EDIL3: variants seen among roughly 807,000 people sequenced by gnomAD.
EDIL3 encodes EGF-like repeat and discoidin I-like domain-containing protein 3.
EDIL3 carries 37 observed loss-of-function variants against 67.4 expected under a neutral mutation model. The observed-to-expected ratio is 0.55, with a 90% CI of 0.42 to 0.72. The LOEUF is 0.72. Among genes scored for constraint, EDIL3 ranks in the 30% least tolerant of loss-of-function variants. EDIL3 has a pLI of 0.00. For synonymous variants in EDIL3, 195 were observed against 196.3 expected, an observed-to-expected ratio of 0.99 and a Z score of 0.05; for missense variants, 527 against 586.3, an observed-to-expected ratio of 0.90 and a Z score of 1.04.
chr5:84,371,474 G>C (rs1344797550), intron 1 of EDIL3, among the ~76,000 whole-genome samples: 1 of 144,456 alleles, frequency 6.9e-6, no homozygotes, highest in Admixed American at 7.0e-5. Flanking sequence ...GAGAGAGAGA[G>C]AGAAAGAGAG....
chr5:84,223,788 G>T (rs1313494762), intron 3 of EDIL3, among the ~76,000 whole-genome samples: 1 of 151,274 alleles, frequency 6.6e-6, no homozygotes, highest in Non-Finnish European at 1.5e-5. Flanking sequence ...CACACATGAA[G>T]ATAACAATAT....
At chr5:84,128,105 T>A (rs570380587) in intron 5 of EDIL3, among the ~76,000 whole-genome samples, 1 of 152,194 alleles carries the variant, frequency 6.6e-6, no homozygotes, top group African/African-American at 2.4e-5. Flanking sequence ...TACTTCCAAG[T>A]GTGCTGATTC....
intron 4 of EDIL3, among the ~76,000 whole-genome samples, chr5:84,160,441 T>C (rs1479718338): frequency 1.3e-5 from 2 of 152,172 alleles, no homozygotes; most frequent in Non-Finnish European, 2.9e-5. Flanking sequence ...GAATAATGAA[T>C]GGTTGATAGA....
rs536569574 is a variant in EDIL3, at chr5:84,080,403, T to C, written c.652-13797A>G. Among the ~76,000 whole-genome samples, 17 of 151,552 alleles carry C rather than the reference T, an allele frequency of 1.1e-4. No individual in the cohort carries two copies. The South Asian group carries it at 2.9e-3, about 26-fold the overall frequency. On this transcript the variant is annotated intron_variant, in intron 6 of 10. Transcript: ENST00000296591. ...TCAGCAACAACCTGAGCACTGACACTCTTCACTGCCGCTGTGAAACATAAT... is the reference window on the plus strand; with the variant it reads ...TCAGCAACAACCTGAGCACTGACACCCTTCACTGCCGCTGTGAAACATAAT...
At chr5:84,049,419 C>CTGTTATTTG (rs1160491525) in intron 9 of EDIL3, among the ~76,000 whole-genome samples, 2 of 152,138 alleles carry the variant, frequency 1.3e-5, no homozygotes, top group Non-Finnish European at 1.5e-5. Flanking sequence ...TTCCACTGTT[C>CTGTTATTTG]TGTTATTTGT....
At chr5:84,137,471 G>A (rs1353430562) in intron 4 of EDIL3, 117 bp from the exon 5 acceptor site, 2 of 785,706 alleles carry the variant, frequency 2.5e-6, no homozygotes, top group Non-Finnish European at 4.0e-6. Context: ...TTGTGTGTGT[G>A]TAGGCATGTG....
intron 6 of EDIL3, among the ~76,000 whole-genome samples, chr5:84,090,781 A>C (rs1451022633): frequency 6.6e-6 from 1 of 151,612 alleles, no homozygotes; most frequent in African/African-American, 2.4e-5. Flanking sequence ...CCTTATCTCT[A>C]CTGAAAATAC....
At chr5:84,379,906 TTTAAAAGATCTTCG>T (rs1748040466) in intron 1 of EDIL3, among the ~76,000 whole-genome samples, 1 of 152,102 alleles carries the variant, frequency 6.6e-6, no homozygotes, top group African/African-American at 2.4e-5. Context: ...TATTTTTTCC[TTTAAAAGATCTTCG>T]TTGATTATCC....
chr5:84,230,464 A>G (rs986592361), intron 2 of EDIL3, among the ~76,000 whole-genome samples: 65 of 151,168 alleles, frequency 4.3e-4, no homozygotes, highest in Non-Finnish European at 6.3e-4. Context: ...CTGGAGTGCA[A>G]TGGCACAATC....
chr5:84,261,134 C>G (rs1745217176), intron 1 of EDIL3, among the ~76,000 whole-genome samples: 1 of 152,144 alleles, frequency 6.6e-6, no homozygotes, highest in Admixed American at 6.5e-5. Flanking sequence ...TTGAACCAAT[C>G]TATAGACAGA....
chr5:83,959,817 GTAA>G (rs1744576144), intron 10 of EDIL3, among the ~76,000 whole-genome samples: 1 of 150,632 alleles, frequency 6.6e-6, no homozygotes, highest in African/African-American at 2.4e-5. Flanking sequence ...AGTAGAACTA[GTAA>G]TAATAAAGCA....
rs765074838 is a variant in EDIL3 at position 84,051,167 on chromosome 5, T to C, written c.1137+9133A>G. Among the ~76,000 whole-genome samples the C allele has an allele frequency of 3.6e-4, 55 of 152,304 alleles. 1 individual carries two copies. Among genetic ancestry groups the C allele is most frequent in the East Asian group, 1.9e-4 (1 of 5,168 alleles). On this transcript the variant is annotated intron_variant, in intron 9 of 10. Transcript: ENST00000296591. The stretch of plus-strand genomic sequence containing the variant: ...ATTTGCTGTTCACCAATATCCACTG[T>C]TCTGCAGCCTCCGCTGCTGATACCC...
At chr5:84,086,849 C>A (rs1747081500) in intron 6 of EDIL3, among the ~76,000 whole-genome samples, 2 of 152,112 alleles carry the variant, frequency 1.3e-5, no homozygotes, top group Admixed American at 1.3e-4. Flanking sequence ...CCCAGGTATC[C>A]TCTGTCTCGT....
chr5:84,066,410 G>T (rs921839349), intron 7 of EDIL3, 41 bp downstream of exon 7: 3 of 1,542,408 alleles, frequency 1.9e-6, no homozygotes, highest in South Asian at 2.5e-5. Context: ...AATTATCAAT[G>T]ACATTTTTCT....
intron 9 of EDIL3, among the ~76,000 whole-genome samples, chr5:83,980,109 T>G (rs868331835): frequency 6.6e-6 from 1 of 152,156 alleles, no homozygotes; most frequent in Non-Finnish European, 1.5e-5. Flanking sequence ...TCAGCACCTA[T>G]GTTTTCTGGT....
chr5:84,364,507 C>T (rs1747687766), intron 1 of EDIL3, among the ~76,000 whole-genome samples: 1 of 152,044 alleles, frequency 6.6e-6, no homozygotes, highest in African/African-American at 2.4e-5. Flanking sequence ...ATCTTCATCC[C>T]TTGATGTTAT....
chr5:84,150,193 A>G (rs770175912), intron 4 of EDIL3, among the ~76,000 whole-genome samples: 6 of 152,212 alleles, frequency 3.9e-5, no homozygotes, highest in Admixed American at 1.3e-4. Flanking sequence ...TCAAAAAATG[A>G]TGCTGAAATA....
intron 4 of EDIL3, among the ~76,000 whole-genome samples, chr5:84,171,887 C>T (rs574093712): frequency 2.0e-5 from 3 of 152,188 alleles, no homozygotes; most frequent in African/African-American, 4.8e-5. Flanking sequence ...TTATAATGCC[C>T]CAGGTGACTC....
intron 4 of EDIL3, among the ~76,000 whole-genome samples, chr5:84,147,798 A>T (rs559809108): frequency 6.6e-6 from 1 of 152,154 alleles, no homozygotes; most frequent in East Asian, 1.9e-4. Context: ...CATTTCAATA[A>T]CAGGCACTGA....
Sources: gnomAD v4.1 joint callset for allele counts (sites outside exome capture counted in the v4.1 genomes callset) on GRCh38, gnomAD v4.1.1 for gene constraint, MANE v1.5 for transcripts, NCBI Gene and HGNC (gene_info 2026-07-23, HGNC 2026-07-21) for gene names.